The following NAALADL2 variants were observed in gnomAD, a reference collection of about 807,000 sequenced individuals.
NAALADL2 encodes N-acetylated alpha-linked acidic dipeptidase like 2.
In NAALADL2, 76 loss-of-function variants were observed where a neutral mutation model predicts 87.2. The observed-to-expected ratio is 0.87, with a 90% CI of 0.72 to 1.05. The LOEUF is 1.05. NAALADL2 is among the 50% of genes least tolerant of loss of function. The pLI is 0.00. For synonymous variants in NAALADL2, 354 were observed against 331.0 expected, an observed-to-expected ratio of 1.07 and a Z score of -0.75; for missense variants, 1,089 against 945.8, an observed-to-expected ratio of 1.15 and a Z score of -1.99.
chr3:174,487,614 G>T (rs1717933436), intron 1 of NAALADL2, among the ~76,000 whole-genome samples: 2 of 151,940 alleles, frequency 1.3e-5, no homozygotes, highest in Admixed American at 6.6e-5. Flanking sequence ...TTGGATTTCA[G>T]CAGGTAGATG....
chr3:175,457,598 C>T (rs1426074996), intron 6 of NAALADL2, among the ~76,000 whole-genome samples: 2 of 152,014 alleles, frequency 1.3e-5, no homozygotes, highest in Non-Finnish European at 2.9e-5. Flanking sequence ...TAGCTAAGTG[C>T]AGCCTTGAAC....
At chr3:175,727,749 C>T (rs1240236859) in intron 11 of NAALADL2, among the ~76,000 whole-genome samples, 3 of 152,208 alleles carry the variant, frequency 2.0e-5, no homozygotes, top group Non-Finnish European at 4.4e-5. Context: ...CAACTATTGG[C>T]CTTCACAAAT....
Position 175,558,024 on chromosome 3 carries a change from T to C in NAALADL2, c.1654-18017T>C, listed in dbSNP as rs1015684843. Among the ~76,000 whole-genome samples the C allele has an allele frequency of 2.6e-5, 4 of 151,284 alleles. No homozygotes were observed. In the East Asian group the frequency reaches 7.8e-4, roughly 30 times the overall value. ...CCTGGCTAACATGGTGAAACCCCGT[T>C]TCTACTAAAAATACAAAAAACTTAG... On this transcript the variant is annotated intron_variant, in intron 9 of 13. Transcript: ENST00000454872.
chr3:175,096,968 A>G lies in NAALADL2; in HGVS notation c.222A>G (p.Leu74=). The G allele has an allele frequency of 6.2e-7, 1 of 1,613,418 alleles. No individual in the cohort carries two copies. The highest frequency in any genetic ancestry group is 8.5e-7 in the Non-Finnish European group (1 of 1,179,636). The change falls in exon 2 of 14, where the codon CTA becomes CTG. Residue 74 remains leucine, a synonymous_variant. Coordinates refer to ENST00000454872, the MANE Select transcript of NAALADL2 (RefSeq NM_207015.3). The part of the protein sequence containing the change: ...FQLDGAENQN[L]GHSETIDLNL... Reference sequence around the variant, plus strand: ...TAGACGGTGCTGAGAATCAGAACCTAGGGCATTCAGAGACTATAGACCTCA... The same window carrying G: ...TAGACGGTGCTGAGAATCAGAACCTGGGGCATTCAGAGACTATAGACCTCA...
chr3:175,163,854 A>G (rs569589024), intron 2 of NAALADL2, among the ~76,000 whole-genome samples: 1 of 152,312 alleles, frequency 6.6e-6, no homozygotes, highest in South Asian at 2.1e-4. Flanking sequence ...TCAATGATTC[A>G]TGAGCATACA....
chr3:175,114,927 G>A (rs1724846127), intron 2 of NAALADL2, among the ~76,000 whole-genome samples: 1 of 151,526 alleles, frequency 6.6e-6, no homozygotes, highest in Non-Finnish European at 1.5e-5. Flanking sequence ...TTATAGTTTT[G>A]TTTTCTCTTT....
intron 3 of NAALADL2, among the ~76,000 whole-genome samples, chr3:174,837,802 C>A (rs944349767): frequency 6.6e-6 from 1 of 151,364 alleles, no homozygotes; most frequent in East Asian, 1.9e-4. Context: ...TCAAAAAAAA[C>A]AAACACAAAA....
chr3:175,356,400 C>T (rs1408907519), intron 5 of NAALADL2, among the ~76,000 whole-genome samples: 2 of 151,550 alleles, frequency 1.3e-5, no homozygotes, highest in African/African-American at 4.9e-5. Flanking sequence ...ATAGTGAGAC[C>T]TCATTTCTAC....
In NAALADL2 at chr3:174,749,325, T is replaced by C. The variant is rs146624686; in HGVS notation, c.-9+11579T>C. ...AGCCACAATATTCAGAATGTTAAACTAGCATTACCTCAAGACAAAGCACAT... is the reference window on the plus strand; with the variant it reads ...AGCCACAATATTCAGAATGTTAAACCAGCATTACCTCAAGACAAAGCACAT... On this transcript the variant is annotated intron_variant, in intron 3 of 3. Transcript: ENST00000434257. 8.1e-3 allele frequency among the ~76,000 whole-genome samples: 1,234 copies of C among 152,294 alleles called. 11 individuals carry two copies. Among genetic ancestry groups the C allele is most frequent in the Middle Eastern group, 0.024 (7 of 294 alleles).
chr3:175,787,417 C>G (rs937277612), intron 13 of NAALADL2, among the ~76,000 whole-genome samples: 1 of 152,246 alleles, frequency 6.6e-6, no homozygotes, highest in Non-Finnish European at 1.5e-5. Context: ...TCTTGTGGTG[C>G]GCCGTTTTTT....
intron 11 of NAALADL2, among the ~76,000 whole-genome samples, chr3:175,673,714 C>CA (rs2149852698): frequency 6.6e-6 from 1 of 151,972 alleles, no homozygotes; most frequent in South Asian, 2.1e-4. Flanking sequence ...TTATGGAAAC[C>CA]AATGTTCCCA....
chr3:174,724,146 G>A (rs1731971151), intron 2 of NAALADL2, among the ~76,000 whole-genome samples: 1 of 152,214 alleles, frequency 6.6e-6, no homozygotes, highest in Non-Finnish European at 1.5e-5. Context: ...TTATTACATA[G>A]TAAACTAAAA....
At chr3:175,787,403 G>A (rs1211587435) in intron 13 of NAALADL2, among the ~76,000 whole-genome samples, 1 of 152,196 alleles carries the variant, frequency 6.6e-6, no homozygotes, top group Non-Finnish European at 1.5e-5. Flanking sequence ...GGTGCGGGAT[G>A]TAATCTTGTG....
At chr3:175,312,994 C>T (rs568539927) in intron 4 of NAALADL2, among the ~76,000 whole-genome samples, 4 of 152,178 alleles carry the variant, frequency 2.6e-5, no homozygotes, top group South Asian at 2.1e-4. Flanking sequence ...GCTTAAACTA[C>T]GAAAAATTAT....
At chr3:174,473,566 A>C (rs1283196413) in intron 1 of NAALADL2, among the ~76,000 whole-genome samples, 2 of 152,192 alleles carry the variant, frequency 1.3e-5, no homozygotes, top group Non-Finnish European at 2.9e-5. Context: ...TCTTATTAAA[A>C]AGATATAATA....
chr3:175,212,495 A>G (rs1198929763), intron 2 of NAALADL2, among the ~76,000 whole-genome samples: 3 of 152,156 alleles, frequency 2.0e-5, no homozygotes, highest in African/African-American at 4.8e-5. Flanking sequence ...CTTTCCAGAT[A>G]TAAATAATGA....
chr3:174,747,602 A>C (rs1734382799), intron 3 of NAALADL2, among the ~76,000 whole-genome samples: 1 of 140,416 alleles, frequency 7.1e-6, no homozygotes, highest in Non-Finnish European at 1.5e-5. Context: ...AGCCTGGGTG[A>C]CAGAGTAAGA....
intron 9 of NAALADL2, among the ~76,000 whole-genome samples, chr3:175,514,398 T>A (rs1346907917): frequency 1.3e-5 from 2 of 152,182 alleles, no homozygotes; most frequent in African/African-American, 4.8e-5. Context: ...TCTGAAAATA[T>A]GAGGGTTTTC....
At chr3:175,380,797 TGAC>T (rs748868103) in intron 5 of NAALADL2, among the ~76,000 whole-genome samples, 5 of 152,172 alleles carry the variant, frequency 3.3e-5, no homozygotes, top group Non-Finnish European at 7.4e-5. Context: ...TCTTTGCCTA[TGAC>T]ACTTTCCATT....
Sources: gnomAD v4.1 joint callset for allele counts (sites outside exome capture counted in the v4.1 genomes callset) on GRCh38, gnomAD v4.1.1 for gene constraint, MANE v1.5 for transcripts, NCBI Gene and HGNC (gene_info 2026-07-23, HGNC 2026-07-21) for gene names.